The following SGSM3 variants were observed in gnomAD, a reference collection of about 807,000 sequenced individuals.
The protein encoded by SGSM3 is small G protein signaling modulator 3.
Under a neutral mutation model 100.5 loss-of-function variants are expected in SGSM3, and 96 were observed. The ratio of observed to expected loss-of-function variants is 0.96; its 90% CI spans 0.81 to 1.13. The LOEUF (loss-of-function observed/expected upper bound fraction) is 1.13, where lower values mean the gene tolerates loss of function less well. Ranked by LOEUF, SGSM3 falls within the 50% of genes most tolerant of loss-of-function variation. The pLI, the probability that SGSM3 is intolerant of heterozygous loss-of-function variation, is 0.00. For synonymous variants in SGSM3, 483 were observed against 422.8 expected, an observed-to-expected ratio of 1.14 and a Z score of -1.75; for missense variants, 1,001 against 1,015.8, an observed-to-expected ratio of 0.99 and a Z score of 0.20.
chr22:40,405,618 T>G, intron 7 of SGSM3, 31 bp from the exon 8 acceptor site: 1 of 1,592,876 alleles, frequency 6.3e-7, no homozygotes, highest in Non-Finnish European at 8.6e-7. Flanking sequence ...AAGACCTGGG[T>G]AGAAGGCCCT....
chr22:40,396,904 T>C (rs1001419166), intron 1 of SGSM3, among the ~76,000 whole-genome samples: 2 of 152,222 alleles, frequency 1.3e-5, no homozygotes, highest in South Asian at 4.1e-4. Context: ...TTATAGGAAA[T>C]TGTAAGATTA....
In SGSM3 at chr22:40,393,813, G is replaced by A. The variant is rs370212838; in HGVS notation, c.-111-6883G>A. On this transcript the variant is annotated intron_variant, in intron 1 of 21. Transcript: ENST00000248929. Reference sequence around the variant, plus strand: ...TCCTTCCGTCAAGCCCCTTTAGGAGGGGACCTAATCCCATTGATGTGGGAG... The same window carrying A: ...TCCTTCCGTCAAGCCCCTTTAGGAGAGGACCTAATCCCATTGATGTGGGAG... 3.9e-4 allele frequency among the ~76,000 whole-genome samples: 60 copies of A among 152,322 alleles called. 1 individual carries two copies. The East Asian group carries it at 0.011, about 28-fold the overall frequency.
chr22:40,392,229 A>G (rs963013550), intron 1 of SGSM3, among the ~76,000 whole-genome samples: 1 of 151,196 alleles, frequency 6.6e-6, no homozygotes, highest in African/African-American at 2.4e-5. Context: ...TTTTTTTTCC[A>G]GTGATTATTC....
At chr22:40,396,635 TTG>T (rs1166313436) in intron 1 of SGSM3, among the ~76,000 whole-genome samples, 1 of 151,874 alleles carries the variant, frequency 6.6e-6, no homozygotes, top group Non-Finnish European at 1.5e-5. Context: ...TTTGCTTATG[TTG>T]CTTACAGCTT....
At chr22:40,385,345 G>C (rs1458837900) in intron 1 of SGSM3, among the ~76,000 whole-genome samples, 1 of 152,212 alleles carries the variant, frequency 6.6e-6, no homozygotes, top group Non-Finnish European at 1.5e-5. Flanking sequence ...AGTGGGTACA[G>C]GGATAGTTGC....
At chr22:40,406,955 G>C in intron 10 of SGSM3, 62 bp from the exon 11 acceptor site, 2 of 1,492,418 alleles carry the variant, frequency 1.3e-6, no homozygotes, top group Non-Finnish European at 1.8e-6. Flanking sequence ...TATAAGCCAA[G>C]GGCTGGTGGG....
intron 1 of SGSM3, among the ~76,000 whole-genome samples, chr22:40,399,381 C>T (rs2146944083): frequency 6.6e-6 from 1 of 152,340 alleles, no homozygotes; most frequent in Middle Eastern, 3.4e-3. Context: ...AGCCATTTGC[C>T]ATCTCAGGCT....
At chr22:40,391,793 G>A (rs538933094) in intron 1 of SGSM3, among the ~76,000 whole-genome samples, 2 of 152,316 alleles carry the variant, frequency 1.3e-5, no homozygotes, top group African/African-American at 4.8e-5. Context: ...ATTCTCAGTA[G>A]AAAAGAATGG....
chr22:40,399,749 C>T (rs1022402014), intron 1 of SGSM3, among the ~76,000 whole-genome samples: 3 of 152,236 alleles, frequency 2.0e-5, no homozygotes, highest in African/African-American at 4.8e-5. Context: ...AACCAACCAA[C>T]CAGGATGGCT....
At chr22:40,374,149 G>T (rs374418939) in intron 1 of SGSM3, among the ~76,000 whole-genome samples, 1 of 151,112 alleles carries the variant, frequency 6.6e-6, no homozygotes, top group African/African-American at 2.4e-5. Context: ...TAGAGACGGG[G>T]CTTCACCGTG....
At chr22:40,395,972 A>G (rs1201145773) in intron 1 of SGSM3, among the ~76,000 whole-genome samples, 1 of 152,186 alleles carries the variant, frequency 6.6e-6, no homozygotes, top group East Asian at 1.9e-4. Context: ...AGCCACGTAC[A>G]TTTTAGAGGT....
rs141833078 is a variant in SGSM3 at position 40,404,278 on chromosome 22, G to A, written c.189G>A (p.Ala63=). The A allele has an allele frequency of 6.9e-5, 105 of 1,521,066 alleles. No individual in the cohort carries two copies. In the African/African-American group the frequency reaches 8.2e-4, roughly 12 times the overall value. The allele number at this position is 1,521,066 out of a possible 1,614,324, so 94.2% of individuals were successfully genotyped here. ...ATGAGCCTGGCTCCAGTCTGCTGGC[G>A]AACTCCCCTCTGATGGAGGATGCTC... ...EGDEPGSSLL[A]NSPLMEDAPQ... is the part of the protein sequence containing the mutation. Residue 63 remains alanine, a synonymous_variant, in exon 5 of 22, where the codon GCG becomes GCA. Transcript: ENST00000248929.
Position 40,401,804 on chromosome 22 carries a change from G to A in SGSM3, c.90+129G>A, listed in dbSNP as rs1287423920. The A allele has an allele frequency of 9.3e-6, 7 of 749,684 alleles. No individual in the cohort carries two copies. The Admixed American group carries it at 1.4e-4, about 15-fold the overall frequency. The allele number at this position is 749,684 out of a possible 1,614,324, so 46.4% of individuals were successfully genotyped here. ...GGTTATGAGTTCCCCACCAGAGATG[G>A]TATCTTAGCCCCATGTTTCCTGTGT... On this transcript the variant is annotated intron_variant, in intron 3 of 21. Transcript: ENST00000248929.
chr22:40,385,412 C>T (rs566721419), intron 1 of SGSM3, among the ~76,000 whole-genome samples: 2 of 151,828 alleles, frequency 1.3e-5, no homozygotes, highest in South Asian at 2.1e-4. Flanking sequence ...GCAGTGGACA[C>T]GAAGCCATTG....
rs775838041 is a variant in SGSM3, at chr22:40,405,672, C to T, written c.642C>T (p.Phe214=). The part of the protein sequence containing the change: ...TGMVAACLLL[F]LEEEDAFWMM... ...AGGTGGCCGCCTGCCTCCTGCTGTT[C>T]CTGGAGGAGGAGGACGCCTTCTGGA... The change falls in exon 8 of 22, where the codon TTC becomes TTT. Residue 214 remains phenylalanine (F), a synonymous_variant. Transcript: ENST00000248929. The T allele has an allele frequency of 1.9e-6, 3 of 1,613,306 alleles. No individual in the cohort carries two copies.
At position 40,407,926 on chromosome 22, in the gene SGSM3, A is replaced by C. The variant is rs955693202; in HGVS notation, c.1579+83A>C. ...ACTTGGGTGACCCTGGCCGCCACCA[A>C]GCTGTTCTCCTCTATACACCTGCCT... is the stretch of plus-strand genomic sequence containing the variant. On this transcript the variant is annotated intron_variant, in intron 14 of 21. Coordinates refer to ENST00000248929, the MANE Select transcript of SGSM3 (RefSeq NM_015705.6). This position sits in a 1 kb window ranked among gnomAD's most constrained non-coding sequence, Gnocchi z 4.7. 1 of 1,488,248 alleles carries C rather than the reference A, an allele frequency of 6.7e-7. No individual in the cohort carries two copies. Among genetic ancestry groups the C allele is most frequent in the African/African-American group, 1.4e-5 (1 of 72,142 alleles). The allele number at this position is 1,488,248 out of a possible 1,614,324, so 92.2% of individuals were successfully genotyped here. A position where few individuals can be genotyped will look rare whatever the true frequency, so the allele number is the denominator to read the frequency against.
At chr22:40,371,112 C>G (rs1274522731) in intron 1 of SGSM3, among the ~76,000 whole-genome samples, 1 of 152,224 alleles carries the variant, frequency 6.6e-6, no homozygotes, top group African/African-American at 2.4e-5. Context: ...GCGGTTTTCC[C>G]TTTAAGATTC....
At position 40,407,128 on chromosome 22, in the gene SGSM3, C is replaced by G. The variant is rs956005670; in HGVS notation, c.1240+57C>G. On this transcript the variant is annotated intron_variant, in intron 11 of 21. Coordinates refer to ENST00000248929, the MANE Select transcript of SGSM3 (RefSeq NM_015705.6). The surrounding 1 kb of genome is among the most constrained non-coding windows in gnomAD (Gnocchi z 4.7). ...GCATGCGGGAGTCTGTCCTCACGCTCATGTGGACGTGGAGCTTCCTCCTCG... is the reference window on the plus strand; with the variant it reads ...GCATGCGGGAGTCTGTCCTCACGCTGATGTGGACGTGGAGCTTCCTCCTCG... 1.9e-5 allele frequency: 30 copies of G among 1,611,214 alleles called. No individual in the cohort carries two copies. In the African/African-American group the frequency reaches 3.9e-4, roughly 21 times the overall value.
Position 40,409,867 on chromosome 22 carries a change from A to ATATC in SGSM3, c.*109_*112dup. On this transcript the variant is annotated 3_prime_UTR_variant, in exon 22 of 22. Transcript: ENST00000248929. Reference sequence around the variant, plus strand: ...CCAGAGCCCTGGCCGGGGCCGCGGGATATCAATATCAGGCTGCCCCACTCC... The same window carrying ATATC: ...CCAGAGCCCTGGCCGGGGCCGCGGGATATCTATCAATATCAGGCTGCCCCACTCC... 6 of 1,470,204 alleles carry ATATC rather than the reference A, an allele frequency of 4.1e-6. 1 individual carries two copies. The South Asian group carries it at 5.6e-5, about 14-fold the overall frequency. The allele number at this position is 1,470,204 out of a possible 1,614,324, so 91.1% of individuals were successfully genotyped here.
Sources: allele counts gnomAD v4.1 joint callset (sites outside exome capture counted in the v4.1 genomes callset), GRCh38; gene constraint gnomAD v4.1.1; non-coding constraint Gnocchi (gnomAD v3.1); transcripts MANE v1.5; gene names NCBI Gene and HGNC (gene_info 2026-07-23, HGNC 2026-07-21).